The following PNLIPRP3 variants were observed in gnomAD, a reference collection of about 807,000 sequenced individuals.
The protein encoded by PNLIPRP3 is pancreatic lipase-related protein 3.
Under a neutral mutation model 52.8 loss-of-function variants are expected in PNLIPRP3, and 58 were observed. The observed-to-expected ratio is 1.10, with a 90% confidence interval of 0.89 to 1.37. The LOEUF (loss-of-function observed/expected upper bound fraction) is 1.37, where lower values mean the gene tolerates loss of function less well. Among genes scored for constraint, PNLIPRP3 ranks in the 40% most tolerant of loss-of-function variants. The probability of loss-of-function intolerance (pLI) is 0.00; values close to 1 mark genes in which losing one functional copy is unlikely to be tolerated. For synonymous variants in PNLIPRP3, 192 were observed against 185.0 expected (o/e 1.04, Z -0.31); for missense variants, 593 against 561.6 (o/e 1.06, Z -0.57).
At chr10:116,466,732 T>C (rs940996752) in intron 8 of PNLIPRP3, among the ~76,000 whole-genome samples, 2 of 152,218 alleles carry the variant, frequency 1.3e-5, no homozygotes, top group Admixed American at 6.5e-5. Context: ...TAGTGGGAAG[T>C]GGAAAAGATC....
intron 4 of PNLIPRP3, among the ~76,000 whole-genome samples, chr10:116,451,998 G>A (rs1303197896): frequency 2.6e-5 from 4 of 152,168 alleles, no homozygotes; most frequent in Admixed American, 2.0e-4. Flanking sequence ...TTAGAGACTT[G>A]TTAAATGGTT....
intron 5 of PNLIPRP3, 106 bp downstream of exon 5, chr10:116,455,936 T>A: frequency 1.3e-6 from 1 of 795,562 alleles, no homozygotes; most frequent in Non-Finnish European, 2.0e-6. Flanking sequence ...TATAAGATAC[T>A]ACAAAATGTG....
chr10:116,460,501 T>C (rs1846175995), intron 5 of PNLIPRP3, among the ~76,000 whole-genome samples: 1 of 152,228 alleles, frequency 6.6e-6, no homozygotes, highest in Non-Finnish European at 1.5e-5. Flanking sequence ...TTTTCATTTG[T>C]ATTACTATTA....
intron 2 of PNLIPRP3, among the ~76,000 whole-genome samples, chr10:116,438,336 A>G (rs1013950870): frequency 3.9e-5 from 6 of 152,100 alleles, no homozygotes; most frequent in African/African-American, 1.4e-4. Context: ...GCCAGAGAAG[A>G]TCATTTCCAG....
chr10:116,453,466 G>C (rs1846068860), intron 4 of PNLIPRP3, among the ~76,000 whole-genome samples: 1 of 152,036 alleles, frequency 6.6e-6, no homozygotes, highest in Non-Finnish European at 1.5e-5. Context: ...AGGTGTAGGG[G>C]GGCCAGGAGT....
intron 2 of PNLIPRP3, among the ~76,000 whole-genome samples, chr10:116,437,109 T>C (rs1845785447): frequency 6.6e-6 from 1 of 152,172 alleles, no homozygotes; most frequent in South Asian, 2.1e-4. Flanking sequence ...AAACTTGATA[T>C]TATGTTCAGT....
intron 1 of PNLIPRP3, among the ~76,000 whole-genome samples, chr10:116,431,801 C>T (rs897270379): frequency 3.9e-5 from 6 of 152,248 alleles, no homozygotes; most frequent in East Asian, 1.9e-4. Flanking sequence ...GCCCTAGTCC[C>T]GGTGCCTCCT....
At chr10:116,439,509 T>G (rs1003384942) in intron 2 of PNLIPRP3, 11 of 766,240 alleles carry the variant, frequency 1.4e-5, no homozygotes, top group Non-Finnish European at 2.3e-5. Flanking sequence ...ATCCTCCTCT[T>G]CCACTTTTTT....
chr10:116,475,518 T>C (rs1846449883), intron 10 of PNLIPRP3, among the ~76,000 whole-genome samples: 1 of 152,206 alleles, frequency 6.6e-6, no homozygotes, highest in Admixed American at 6.5e-5. Context: ...GTGAAGATAG[T>C]TCTTGGAATA....
chr10:116,449,286 GAT>G (rs1431329058), intron 4 of PNLIPRP3, among the ~76,000 whole-genome samples: 1 of 38,818 alleles, frequency 2.6e-5, no homozygotes, highest in Non-Finnish European at 1.1e-4. Context: ...CTAATCAAAA[GAT>G]ATAGAGTGAT....
intron 2 of PNLIPRP3, among the ~76,000 whole-genome samples, chr10:116,440,409 G>A (rs1564694194): frequency 6.6e-6 from 1 of 152,146 alleles, no homozygotes; most frequent in Non-Finnish European, 1.5e-5. Flanking sequence ...CATTTGGAAA[G>A]AATCATGTGT....
intron 5 of PNLIPRP3, among the ~76,000 whole-genome samples, chr10:116,456,200 A>G (rs530985573): frequency 6.6e-6 from 1 of 152,324 alleles, no homozygotes; most frequent in East Asian, 1.9e-4. Context: ...GGAAGAAGAG[A>G]GGGGAGGCTA....
At chr10:116,442,564 T>C (rs1050549972) in intron 2 of PNLIPRP3, among the ~76,000 whole-genome samples, 2 of 152,218 alleles carry the variant, frequency 1.3e-5, no homozygotes, top group Non-Finnish European at 2.9e-5. Context: ...CTGCATTTTA[T>C]AATGCATTAA....
At chr10:116,443,373 A>T (rs1386059674) in intron 3 of PNLIPRP3, among the ~76,000 whole-genome samples, 199 bp downstream of exon 3, 1 of 151,970 alleles carries the variant, frequency 6.6e-6, no homozygotes, top group East Asian at 1.9e-4. Context: ...AAGGGAAGCA[A>T]ATTTGTATAA....
chr10:116,462,116 A>G (rs1846200997), intron 7 of PNLIPRP3, among the ~76,000 whole-genome samples: 2 of 152,326 alleles, frequency 1.3e-5, no homozygotes, highest in Admixed American at 1.3e-4. Flanking sequence ...ACTTGTAACA[A>G]GAATCACTCT....
intron 2 of PNLIPRP3, among the ~76,000 whole-genome samples, chr10:116,440,929 C>A (rs1313411184): frequency 2.0e-5 from 3 of 152,164 alleles, no homozygotes; most frequent in African/African-American, 7.2e-5. Context: ...ATGGATTGAT[C>A]TCGTACCTAT....
At chr10:116,445,362 A>G (rs367750563) in intron 4 of PNLIPRP3, among the ~76,000 whole-genome samples, 1 of 152,324 alleles carries the variant, frequency 6.6e-6, no homozygotes, top group East Asian at 1.9e-4. Flanking sequence ...TGTATGAGCA[A>G]CCAGGTTAGG....
At position 116,443,207 on chromosome 10, in the gene PNLIPRP3, C is replaced by T. The variant is rs190846374; in HGVS notation, c.324+33C>T. The T allele has an allele frequency of 5.7e-6, 9 of 1,585,456 alleles. No individual in the cohort carries two copies. The African/African-American group carries it at 9.4e-5, about 17-fold the overall frequency. The stretch of plus-strand genomic sequence containing the variant: ...ATGAATAAGCTCCTTTTTACACTAG[C>T]ATGCGAGCTTTATGTTTAACATGAA... On this transcript the variant is annotated intron_variant, in intron 3 of 11. Coordinates refer to ENST00000369230, the MANE Select transcript of PNLIPRP3 (RefSeq NM_001011709.3).
At chr10:116,453,316 G>A (rs1258233914) in intron 4 of PNLIPRP3, among the ~76,000 whole-genome samples, 1 of 152,146 alleles carries the variant, frequency 6.6e-6, no homozygotes, top group African/African-American at 2.4e-5. Flanking sequence ...TTATTTTACA[G>A]GCTCATAGGT....
Sources: gnomAD v4.1 joint callset for allele counts (sites outside exome capture counted in the v4.1 genomes callset) on GRCh38, gnomAD v4.1.1 for gene constraint, MANE v1.5 for transcripts, NCBI Gene and HGNC (gene_info 2026-07-23, HGNC 2026-07-21) for gene names.